The following TMEM131L variants were observed in gnomAD, a reference collection of about 807,000 sequenced individuals.
The protein encoded by TMEM131L is transmembrane 131 like, also known as transmembrane protein 131-like.
A neutral mutation model predicts 192.2 loss-of-function variants in TMEM131L; 54 were observed. That is an observed-to-expected ratio of 0.28 (90% CI 0.23 to 0.35). The LOEUF is 0.35. Among genes scored for constraint, TMEM131L ranks in the 10% least tolerant of loss-of-function variants. The pLI is 1.00. For synonymous variants in TMEM131L, 701 were observed against 704.9 expected, an observed-to-expected ratio of 0.99 and a Z score of 0.09; for missense variants, 1,888 against 1,972.9, an observed-to-expected ratio of 0.96 and a Z score of 0.82.
chr4:153,568,623 A>C (rs1257241777), intron 7 of TMEM131L, among the ~76,000 whole-genome samples: 2 of 150,688 alleles, frequency 1.3e-5, no homozygotes, highest in Non-Finnish European at 2.9e-5. Context: ...ACATGTAGTA[A>C]ATCAATGATT....
At chr4:153,601,107 CAAAA>C (rs397879528) in intron 21 of TMEM131L, among the ~76,000 whole-genome samples, 11 of 103,104 alleles carry the variant, frequency 1.1e-4, no homozygotes, top group African/African-American at 4.3e-4. Flanking sequence ...AAGACTGTCT[CAAAA>C]AAAAAAAAAA....
intron 3 of TMEM131L, among the ~76,000 whole-genome samples, chr4:153,513,214 G>A (rs551450410): frequency 1.9e-4 from 29 of 152,236 alleles, no homozygotes; most frequent in Non-Finnish European, 1.8e-4. Context: ...AAAGTTTGGC[G>A]TTTGCCTTTT....
intron 17 of TMEM131L, among the ~76,000 whole-genome samples, chr4:153,591,907 C>G (rs1731094101): frequency 6.6e-6 from 1 of 152,090 alleles, no homozygotes; most frequent in African/African-American, 2.4e-5. Flanking sequence ...TGCAAAGATT[C>G]ATCAATTTTT....
At chr4:153,489,023 A>T (rs979796172) in intron 3 of TMEM131L, among the ~76,000 whole-genome samples, 1 of 152,120 alleles carries the variant, frequency 6.6e-6, no homozygotes, top group Non-Finnish European at 1.5e-5. Context: ...GACTAATTGC[A>T]TCTGCACCAA....
At chr4:153,620,510 G>A (rs540590295) in intron 26 of TMEM131L, among the ~76,000 whole-genome samples, 2 of 152,308 alleles carry the variant, frequency 1.3e-5, no homozygotes, top group South Asian at 4.1e-4. Flanking sequence ...GCTAGCAGAT[G>A]TTTTTCCTTT....
intron 7 of TMEM131L, among the ~76,000 whole-genome samples, chr4:153,580,160 A>G (rs921764010): frequency 6.6e-6 from 1 of 152,144 alleles, no homozygotes; most frequent in Non-Finnish European, 1.5e-5. Flanking sequence ...CTCCTACCCA[A>G]GGTTGTATCC....
intron 7 of TMEM131L, among the ~76,000 whole-genome samples, chr4:153,571,458 G>A (rs376924245): frequency 1.3e-5 from 2 of 152,078 alleles, no homozygotes; most frequent in Admixed American, 6.5e-5. Context: ...TGGTGTAGCC[G>A]CCTCAGTCTT....
chr4:153,576,725 T>C (rs896872613), intron 7 of TMEM131L, among the ~76,000 whole-genome samples: 3 of 152,112 alleles, frequency 2.0e-5, no homozygotes, highest in African/African-American at 7.2e-5. Flanking sequence ...TGTGTTAATA[T>C]GATTTTTTTC....
At chr4:153,479,013 T>C (rs1275772261) in intron 3 of TMEM131L, among the ~76,000 whole-genome samples, 1 of 152,158 alleles carries the variant, frequency 6.6e-6, no homozygotes, top group Non-Finnish European at 1.5e-5. Flanking sequence ...TGTAAGACAG[T>C]CTTAGCATGT....
chr4:153,598,671 T>C lies in TMEM131L; in HGVS notation c.2205T>C (p.Pro735=). 6.2e-7 allele frequency: 1 copy of C among 1,614,008 alleles called. No homozygotes were observed. Among genetic ancestry groups the C allele is most frequent in the South Asian group, 1.1e-5 (1 of 91,082 alleles). The stretch of plus-strand genomic sequence containing the variant: ...TATTAAAAGTGGGTGGAAGACTTCC[T>C]GGTGCAGGAGGCTCACTCCGATTTA... ...RELLKVGGRL[P]GAGGSLRFKV... is the part of the protein sequence containing the mutation. Residue 735 remains proline (P), a synonymous_variant, in exon 21 of 35, where the codon CCT becomes CCC. Transcript: ENST00000409959.
At chr4:153,477,676 C>T (rs752735867) in intron 3 of TMEM131L, among the ~76,000 whole-genome samples, 5 of 152,006 alleles carry the variant, frequency 3.3e-5, no homozygotes, top group Non-Finnish European at 7.4e-5. Flanking sequence ...TGTGTATAAT[C>T]TATGTGCTTT....
At chr4:153,476,520 AC>A (rs1731549735) in intron 3 of TMEM131L, among the ~76,000 whole-genome samples, 1 of 151,248 alleles carries the variant, frequency 6.6e-6, no homozygotes, top group African/African-American at 2.4e-5. Context: ...ACACAGTGAA[AC>A]CCCCTCTCTA....
At chr4:153,612,793 A>C (rs1044970194) in intron 26 of TMEM131L, among the ~76,000 whole-genome samples, 27 of 152,236 alleles carry the variant, frequency 1.8e-4, no homozygotes, top group African/African-American at 6.3e-4. Context: ...TCTTCTGTCT[A>C]AAAGATGAGA....
chr4:153,512,004 A>G (rs1363543533), intron 3 of TMEM131L, among the ~76,000 whole-genome samples: 2 of 152,230 alleles, frequency 1.3e-5, no homozygotes, highest in Non-Finnish European at 2.9e-5. Context: ...TAGACTTTCA[A>G]ACTTTAACAA....
intron 7 of TMEM131L, among the ~76,000 whole-genome samples, chr4:153,580,341 C>CT (rs946996986): frequency 7.9e-5 from 12 of 151,532 alleles, no homozygotes; most frequent in South Asian, 2.1e-4. Flanking sequence ...TTGGACATCT[C>CT]TTTTTTTTTA....
intron 7 of TMEM131L, among the ~76,000 whole-genome samples, chr4:153,567,619 A>C (rs1475304046): frequency 7.4e-5 from 11 of 149,338 alleles, no homozygotes; most frequent in Non-Finnish European, 1.2e-4. Flanking sequence ...ATCTCGGCTC[A>C]CTGCAACCTC....
At chr4:153,514,776 A>G (rs183914849) in intron 3 of TMEM131L, among the ~76,000 whole-genome samples, 1 of 152,316 alleles carries the variant, frequency 6.6e-6, no homozygotes, top group African/African-American at 2.4e-5. Context: ...TTTACACTTC[A>G]TAGAATCCCA....
intron 18 of TMEM131L, 66 bp downstream of exon 18, chr4:153,592,650 G>A (rs946966058): frequency 1.2e-5 from 13 of 1,072,586 alleles, no homozygotes; most frequent in Non-Finnish European, 1.7e-5. Flanking sequence ...ATTACTTAAT[G>A]TCCTACACTT....
rs549079476 is a variant in TMEM131L at position 153,549,070 on chromosome 4, T to G, written c.240-1003T>G. Among the ~76,000 whole-genome samples the G allele has an allele frequency of 3.0e-4, 45 of 152,242 alleles. 1 individual carries two copies. The Middle Eastern group carries it at 0.024, about 81-fold the overall frequency. ...AGCTCAAACTCCTGGGCTCAAGCAA[T>G]CCTCCTGCCTCAGCCTCCAGAGTAG... On this transcript the variant is annotated intron_variant, in intron 3 of 34. Coordinates refer to ENST00000409959, the MANE Select transcript of TMEM131L (RefSeq NM_001131007.2).
Sources: allele counts gnomAD v4.1 joint callset (sites outside exome capture counted in the v4.1 genomes callset), GRCh38; gene constraint gnomAD v4.1.1; transcripts MANE v1.5; gene names NCBI Gene and HGNC (gene_info 2026-07-23, HGNC 2026-07-21).